TCF20: variants seen among roughly 807,000 people sequenced by gnomAD.
TCF20 encodes transcription factor 20, also known as SPRE-binding protein.
In TCF20, 3 loss-of-function variants were observed where a neutral mutation model predicts 148.6. That is an observed-to-expected ratio of 0.02 (90% CI 0.01 to 0.05). The LOEUF is 0.05. Ranked by LOEUF, TCF20 falls within the 10% of genes least tolerant of loss-of-function variation. The pLI is 1.00. For synonymous variants in TCF20, 1,049 were observed against 909.5 expected, an observed-to-expected ratio of 1.15 and a Z score of -2.76; for missense variants, 2,350 against 2,429.3, an observed-to-expected ratio of 0.97 and a Z score of 0.69.
At position 42,210,821 on chromosome 22, in the gene TCF20, C is replaced by T. The variant is rs150835716; in HGVS notation, c.4485G>A (p.Lys1495=). The T allele has an allele frequency of 6.2e-7, 1 of 1,614,090 alleles. No individual in the cohort carries two copies. Among genetic ancestry groups the T allele is most frequent in the African/African-American group, 1.3e-5 (1 of 74,930 alleles). Residue 1495 remains lysine (K), a synonymous_variant, in exon 2 of 6, where the codon AAG becomes AAA. Transcript: ENST00000677622. The surrounding 1 kb of genome is among the most constrained non-coding windows in gnomAD (Gnocchi z 4.7). ...CCAATATGCCCACTGGAGGTACATTCTTTGAGTCTGGAAAGATTAAAGGTG... is the reference window on the plus strand; with the variant it reads ...CCAATATGCCCACTGGAGGTACATTTTTTGAGTCTGGAAAGATTAAAGGTG... ...GTAPLIFPDS[K]NVPPVGILAP... is the part of the protein sequence containing the mutation.
intron 1 of TCF20, among the ~76,000 whole-genome samples, chr22:42,302,336 G>A (rs1927352150): frequency 6.6e-6 from 1 of 152,164 alleles, no homozygotes; most frequent in Non-Finnish European, 1.5e-5. Flanking sequence ...CATAGAGTGG[G>A]CAGCCTTCTC....
chr22:42,194,680 T>C (rs1156902961), intron 2 of TCF20, among the ~76,000 whole-genome samples: 3 of 151,842 alleles, frequency 2.0e-5, no homozygotes, highest in Non-Finnish European at 4.4e-5. Flanking sequence ...ACTAAGAGAG[T>C]GCTCTTGGTG....
Position 42,226,140 on chromosome 22 carries a change from G to T in TCF20, c.-36-10799C>A, listed in dbSNP as rs533600616. Among the ~76,000 whole-genome samples, 3 of 152,168 alleles carry T rather than the reference G, an allele frequency of 2.0e-5. No homozygotes were observed. The East Asian group carries it at 5.8e-4, about 29-fold the overall frequency. The stretch of plus-strand genomic sequence containing the variant: ...ACAGGGGCATCCCAAGATCACTTCA[G>T]ATGACCACATATGTGAGCAGGATGG... On this transcript the variant is annotated intron_variant, in intron 1 of 5. Transcript: ENST00000677622.
intron 1 of TCF20, among the ~76,000 whole-genome samples, chr22:42,324,103 G>GTGA (rs1157959092): frequency 8.6e-6 from 1 of 115,776 alleles, no homozygotes; most frequent in Non-Finnish European, 1.8e-5. Context: ...GGAGGTTATG[G>GTGA]TGGTGGTGGT....
intron 1 of TCF20, among the ~76,000 whole-genome samples, chr22:42,258,160 T>A (rs1021455497): frequency 1.3e-5 from 2 of 152,216 alleles, no homozygotes; most frequent in African/African-American, 4.8e-5. Context: ...AACTACTTTC[T>A]TACTTTATCC....
intron 2 of TCF20, among the ~76,000 whole-genome samples, chr22:42,181,520 A>G (rs1215027980): frequency 6.6e-6 from 1 of 151,776 alleles, no homozygotes; most frequent in East Asian, 1.9e-4. Flanking sequence ...CCATTTAGGA[A>G]TGGGTATGGT....
upstream of TCF20, among the ~76,000 whole-genome samples, chr22:42,286,819 G>A (rs139183349): frequency 0.011 from 1,656 of 152,264 alleles, 27 homozygotes; most frequent in African/African-American, 0.038. Context: ...GTGCCTCCTC[G>A]TACCAGGCCA....
chr22:42,186,542 G>A (rs1937056687), intron 2 of TCF20, among the ~76,000 whole-genome samples: 1 of 152,124 alleles, frequency 6.6e-6, no homozygotes, highest in Non-Finnish European at 1.5e-5. Flanking sequence ...TTAATTTTTT[G>A]TTAAGTAATT....
intron 2 of TCF20, among the ~76,000 whole-genome samples, chr22:42,198,531 C>T (rs1268398627): frequency 6.6e-6 from 1 of 152,128 alleles, no homozygotes; most frequent in Non-Finnish European, 1.5e-5. Context: ...ATACTTTAAG[C>T]CATCTCTAGA....
chr22:42,231,605 C>T (rs1923406149), intron 1 of TCF20, among the ~76,000 whole-genome samples: 1 of 152,134 alleles, frequency 6.6e-6, no homozygotes, highest in Non-Finnish European at 1.5e-5. Context: ...CAAAAGGTTA[C>T]AAATTTTTAA....
At chr22:42,173,629 A>G (rs998905686) in intron 3 of TCF20, among the ~76,000 whole-genome samples, 8 of 152,256 alleles carry the variant, frequency 5.3e-5, no homozygotes, top group African/African-American at 1.9e-4. Flanking sequence ...TTTCCTGGAT[A>G]CAAAGTTACA....
intron 2 of TCF20, among the ~76,000 whole-genome samples, chr22:42,208,394 A>C (rs1449255858): frequency 6.6e-6 from 1 of 152,188 alleles, no homozygotes; most frequent in Admixed American, 6.5e-5. Context: ...TAGAAGACCG[A>C]AGTGGAAGGA....
intron 1 of TCF20, among the ~76,000 whole-genome samples, chr22:42,224,534 C>CAAA (rs66858906): frequency 0.012 from 468 of 39,560 alleles, 90 homozygotes; most frequent in African/African-American, 0.018. Flanking sequence ...AAAGCTGGTA[C>CAAA]AAAAAAAAAA....
At chr22:42,179,780 T>A in intron 2 of TCF20, 78 bp from the exon 3 acceptor site, 1 of 913,090 alleles carries the variant, frequency 1.1e-6, no homozygotes, top group Non-Finnish European at 1.8e-6. Context: ...GGTCCCCATC[T>A]GTTAGACCTC....
intron 1 of TCF20, among the ~76,000 whole-genome samples, chr22:42,281,950 G>A (rs940547125): frequency 2.6e-5 from 4 of 152,232 alleles, no homozygotes; most frequent in Non-Finnish European, 4.4e-5. Flanking sequence ...GGCCTAACAG[G>A]GAGACAGACC....
rs12157870 is a variant in TCF20, at chr22:42,174,758, A to T, written c.5749+4851T>A. 2.6e-5 allele frequency among the ~76,000 whole-genome samples: 4 copies of T among 151,882 alleles called. 1 individual carries two copies. The East Asian group carries it at 5.8e-4, about 22-fold the overall frequency. ...TCACTTAAAAGCCATTTTCTTGGCCAGGCGCGGTGGCTCACGCCTGTAATC... is the reference window on the plus strand; with the variant it reads ...TCACTTAAAAGCCATTTTCTTGGCCTGGCGCGGTGGCTCACGCCTGTAATC... On this transcript the variant is annotated intron_variant, in intron 3 of 5. Transcript: ENST00000677622.
At chr22:42,306,510 G>A (rs1927436806) in intron 1 of TCF20, among the ~76,000 whole-genome samples, 1 of 152,196 alleles carries the variant, frequency 6.6e-6, no homozygotes, top group African/African-American at 2.4e-5. Context: ...TACTTGACAG[G>A]CAGGCAGTGG....
intron 2 of TCF20, among the ~76,000 whole-genome samples, chr22:42,187,460 T>G (rs1298719085): frequency 6.6e-6 from 1 of 152,240 alleles, no homozygotes; most frequent in African/African-American, 2.4e-5. Flanking sequence ...CTGTAATAAG[T>G]GTCTCTGTGG....
chr22:42,298,569 C>T (rs563208424), intron 1 of TCF20, among the ~76,000 whole-genome samples: 56 of 152,286 alleles, frequency 3.7e-4, no homozygotes, highest in African/African-American at 1.3e-3. Flanking sequence ...TGTCAAGTCT[C>T]GGCACTTCCC....
Sources: gnomAD v4.1 joint callset for allele counts (sites outside exome capture counted in the v4.1 genomes callset) on GRCh38, gnomAD v4.1.1 for gene constraint, Gnocchi (gnomAD v3.1) non-coding constraint, MANE v1.5 for transcripts, NCBI Gene and HGNC (gene_info 2026-07-23, HGNC 2026-07-21) for gene names.